The following ABI3BP variants were observed in gnomAD, a reference collection of about 807,000 sequenced individuals.
ABI3BP encodes the protein ABI family member 3 binding protein.
ABI3BP carries 216 observed loss-of-function variants against 268.6 expected under a neutral mutation model. That is an observed-to-expected ratio of 0.80 (90% confidence interval 0.72 to 0.90). The LOEUF is 0.90. ABI3BP is among the 40% of genes least tolerant of loss of function. ABI3BP has a pLI of 0.00. For synonymous variants in ABI3BP, 730 were observed against 730.0 expected (o/e 1.00, Z 0.00); for missense variants, 2,090 against 2,182.4 (o/e 0.96, Z 0.84).
At chr3:100,899,933 T>C (rs1245928203) in intron 3 of ABI3BP, among the ~76,000 whole-genome samples, 1 of 152,220 alleles carries the variant, frequency 6.6e-6, no homozygotes, top group African/African-American at 2.4e-5. Flanking sequence ...GCCCCTTGCA[T>C]GAGCCTATTG....
chr3:100,859,694 T>C (rs1473946591), intron 14 of ABI3BP, among the ~76,000 whole-genome samples: 1 of 152,156 alleles, frequency 6.6e-6, no homozygotes, highest in Non-Finnish European at 1.5e-5. Context: ...AAATGTAACG[T>C]AAGTTAGGAA....
chr3:100,978,992 G>A (rs1159170818), intron 1 of ABI3BP, among the ~76,000 whole-genome samples: 2 of 152,168 alleles, frequency 1.3e-5, no homozygotes, highest in Non-Finnish European at 2.9e-5. Context: ...CTAAGTCAGT[G>A]GTTTCCAAAA....
At chr3:100,845,608 G>A (rs1210189049) in intron 20 of ABI3BP, among the ~76,000 whole-genome samples, 1 of 150,088 alleles carries the variant, frequency 6.7e-6, no homozygotes, top group African/African-American at 2.5e-5. Flanking sequence ...AAACATTATT[G>A]TGAGAAATAA....
chr3:100,896,801 T>C (rs1216891547), intron 4 of ABI3BP, among the ~76,000 whole-genome samples: 1 of 152,156 alleles, frequency 6.6e-6, no homozygotes, highest in Non-Finnish European at 1.5e-5. Context: ...ATGGGATTAG[T>C]GGTGGGTGAA....
chr3:100,960,417 A>G (rs1184237553), intron 1 of ABI3BP, among the ~76,000 whole-genome samples: 1 of 152,218 alleles, frequency 6.6e-6, no homozygotes, highest in East Asian at 1.9e-4. Context: ...CAGAACATCA[A>G]ACAAAATAAA....
intron 56 of ABI3BP, among the ~76,000 whole-genome samples, chr3:100,788,390 A>T (rs1279569815): frequency 6.6e-6 from 1 of 152,052 alleles, no homozygotes; most frequent in African/African-American, 2.4e-5. Flanking sequence ...CATTTAGAAG[A>T]TTCTTTAAGG....
intron 3 of ABI3BP, among the ~76,000 whole-genome samples, chr3:100,900,761 CA>C (rs2049928680): frequency 6.6e-6 from 1 of 152,054 alleles, no homozygotes; most frequent in Non-Finnish European, 1.5e-5. Flanking sequence ...ATAACAAAAA[CA>C]AAATTATATC....
chr3:100,919,694 A>C (rs1166522476), intron 2 of ABI3BP, among the ~76,000 whole-genome samples: 1 of 152,242 alleles, frequency 6.6e-6, no homozygotes, highest in Non-Finnish European at 1.5e-5. Flanking sequence ...CATTTAAGTA[A>C]ATTAAAGCGT....
chr3:100,843,560 AG>A (rs1213545115), intron 20 of ABI3BP: 2 of 979,660 alleles, frequency 2.0e-6, no homozygotes, highest in African/African-American at 3.6e-5. Flanking sequence ...AGAGAGAGAG[AG>A]AGAGAGGGAA....
In ABI3BP at chr3:100,977,109, T is replaced by C. The variant is rs561134124; in HGVS notation, c.79+16197A>G. Among the ~76,000 whole-genome samples the C allele has an allele frequency of 1.9e-3, 289 of 152,362 alleles. 1 individual carries two copies. Among genetic ancestry groups the C allele is most frequent in the Non-Finnish European group, 3.4e-3 (230 of 68,032 alleles). On this transcript the variant is annotated intron_variant, in intron 1 of 67. Transcript: ENST00000471714. The stretch of plus-strand genomic sequence containing the variant: ...AATTGATCCCAAAATTCTCTTCCCG[T>C]GTTTATTTCCAATTTTCTTTTGCCC...
chr3:100,921,153 G>T (rs191381693), intron 2 of ABI3BP, among the ~76,000 whole-genome samples: 1 of 152,234 alleles, frequency 6.6e-6, no homozygotes, highest in African/African-American at 2.4e-5. Context: ...GTGAGAACAC[G>T]AGAATTAAAA....
At chr3:100,967,936 C>T (rs1405810812) in intron 1 of ABI3BP, among the ~76,000 whole-genome samples, 3 of 152,130 alleles carry the variant, frequency 2.0e-5, no homozygotes, top group Middle Eastern at 3.2e-3. Context: ...ACTGTAGTTA[C>T]TTAGGTCAGT....
At chr3:100,876,036 C>T (rs548574864) in intron 7 of ABI3BP, among the ~76,000 whole-genome samples, 6 of 151,958 alleles carry the variant, frequency 3.9e-5, no homozygotes, top group Middle Eastern at 3.4e-3. Context: ...TTTTAAGGGC[C>T]CTGTCTCTTC....
At chr3:100,959,477 G>A (rs1033582803) in intron 1 of ABI3BP, among the ~76,000 whole-genome samples, 2 of 112,312 alleles carry the variant, frequency 1.8e-5, no homozygotes, top group Non-Finnish European at 3.4e-5. Context: ...GCGACAGAGC[G>A]AGACTCCGTC....
chr3:100,751,221 TA>T (rs1445074659), intron 67 of ABI3BP, among the ~76,000 whole-genome samples: 1 of 152,124 alleles, frequency 6.6e-6, no homozygotes, highest in Non-Finnish European at 1.5e-5. Context: ...TTTTTTTTCT[TA>T]AGGAAATAAA....
At chr3:100,873,895 C>T (rs763323980) in intron 9 of ABI3BP, among the ~76,000 whole-genome samples, 22 of 152,150 alleles carry the variant, frequency 1.4e-4, no homozygotes, top group African/African-American at 4.8e-4. Context: ...CTTGGGCCTC[C>T]GTTTCTTTAT....
At chr3:100,784,829 T>G (rs1478798851) in intron 57 of ABI3BP, among the ~76,000 whole-genome samples, 1 of 152,074 alleles carries the variant, frequency 6.6e-6, no homozygotes, top group Admixed American at 6.6e-5. Flanking sequence ...GGAGGTAAGC[T>G]GTAAGTACAC....
Position 100,817,436 on chromosome 3 carries a change from C to T in ABI3BP, c.3148G>A (p.Ala1050Thr), listed in dbSNP as rs749070109. Residue 1050 changes from alanine to threonine, a missense_variant and splice_region_variant, in exon 42 of 68, where the codon GCT becomes ACT. Ala to Thr is a moderately conservative substitution (Grantham distance 58). Coordinates refer to ENST00000471714, the MANE Select transcript of ABI3BP (RefSeq NM_001375547.2). Reference sequence around the variant, plus strand: ...ATTCAGGAACACAGAATATCATTACCTAACGTTGTTTCTGGAAACTTGGTT... The same window carrying T: ...ATTCAGGAACACAGAATATCATTACTTAACGTTGTTTCTGGAAACTTGGTT... The part of the protein sequence containing the change: ...FRTKFPETTL[A>T]PKTQRTRRPR... The T allele has an allele frequency of 4.0e-6, 6 of 1,508,800 alleles. No homozygotes were observed. In the South Asian group the frequency reaches 6.3e-5, roughly 16 times the overall value. 93.5% of individuals were successfully genotyped at this position (1,508,800 alleles called of 1,614,324 possible).
intron 55 of ABI3BP, among the ~76,000 whole-genome samples, chr3:100,790,216 G>A (rs2097160985): frequency 6.6e-6 from 1 of 151,962 alleles, no homozygotes; most frequent in South Asian, 2.1e-4. Context: ...ATAAGTGGGT[G>A]ACCATTGTAT....
Sources: gnomAD v4.1 joint callset for allele counts (sites outside exome capture counted in the v4.1 genomes callset) on GRCh38, gnomAD v4.1.1 for gene constraint, MANE v1.5 for transcripts, NCBI Gene and HGNC (gene_info 2026-07-23, HGNC 2026-07-21) for gene names.